The following MAGI2 variants were observed in gnomAD, a reference collection of about 807,000 sequenced individuals.
MAGI2 encodes the protein membrane-associated guanylate kinase, WW and PDZ domain-containing protein 2.
MAGI2 carries 35 observed loss-of-function variants against 133.3 expected under a neutral mutation model. The ratio of observed to expected loss-of-function variants is 0.26; its 90% CI spans 0.20 to 0.35. The LOEUF is 0.35. Among genes scored for constraint, MAGI2 ranks in the 10% least tolerant of loss-of-function variants. The probability of loss-of-function intolerance (pLI) is 1.00; values close to 1 mark genes in which losing one functional copy is unlikely to be tolerated. For synonymous variants in MAGI2, 729 were observed against 710.6 expected (o/e 1.03, Z -0.41); for missense variants, 1,636 against 1,863.4 (o/e 0.88, Z 2.25).
intron 6 of MAGI2, among the ~76,000 whole-genome samples, chr7:78,453,759 G>A (rs1035064209): frequency 3.3e-5 from 5 of 152,102 alleles, no homozygotes; most frequent in South Asian, 2.1e-4. Context: ...TAAAATTATC[G>A]CCATTTTATA....
At chr7:79,312,188 A>T (rs1265356585) in intron 1 of MAGI2, among the ~76,000 whole-genome samples, 1 of 152,212 alleles carries the variant, frequency 6.6e-6, no homozygotes, top group Admixed American at 6.5e-5. Flanking sequence ...AAGTCGAAGC[A>T]TGTCAATCAA....
At chr7:78,462,456 T>C (rs1790163670) in intron 6 of MAGI2, among the ~76,000 whole-genome samples, 1 of 152,140 alleles carries the variant, frequency 6.6e-6, no homozygotes, top group Non-Finnish European at 1.5e-5. Flanking sequence ...AATCTAACAC[T>C]AGAAATAATG....
intron 2 of MAGI2, among the ~76,000 whole-genome samples, chr7:78,682,554 C>A (rs539903320): frequency 6.6e-6 from 1 of 152,182 alleles, no homozygotes; most frequent in East Asian, 1.9e-4. Context: ...TGAACTCATC[C>A]TTTTTTTGTG....
At chr7:79,284,597 T>A (rs1835872021) in intron 1 of MAGI2, among the ~76,000 whole-genome samples, 1 of 152,136 alleles carries the variant, frequency 6.6e-6, no homozygotes, top group Non-Finnish European at 1.5e-5. Context: ...GAAAATATTA[T>A]TCCTTTCCAA....
Position 79,416,725 on chromosome 7 carries a change from C to CTTTTTTTTTTTTTTTTTTTTTTTT in MAGI2, c.301+36294_301+36295insAAAAAAAAAAAAAAAAAAAAAAAA, listed in dbSNP as rs1176426138. 1.1e-3 allele frequency among the ~76,000 whole-genome samples: 116 copies of CTTTTTTTTTTTTTTTTTTTTTTTT among 102,452 alleles called. 22 individuals are homozygous for CTTTTTTTTTTTTTTTTTTTTTTTT. Among genetic ancestry groups the CTTTTTTTTTTTTTTTTTTTTTTTT allele is most frequent in the African/African-American group, 2.8e-3 (67 of 24,046 alleles). The allele number at this position is 102,452 out of a possible 152,430, so 67.2% of individuals were successfully genotyped here. A position where few individuals can be genotyped will look rare whatever the true frequency, so the allele number is the denominator to read the frequency against. On this transcript the variant is annotated intron_variant, in intron 1 of 21. Coordinates refer to ENST00000354212, the MANE Select transcript of MAGI2 (RefSeq NM_012301.4). ...TTCTTTTTTCTTTTCTTTTCTTTTT[C>CTTTTTTTTTTTTTTTTTTTTTTTT]TTTTTCTTTTTTTTTTTTTGAGGTG...
At chr7:78,880,797 A>G (rs116591068) in intron 2 of MAGI2, among the ~76,000 whole-genome samples, 9,575 of 152,244 alleles carry the variant, frequency 0.063, 372 homozygotes, top group Middle Eastern at 0.11. Context: ...ATAAAAAATT[A>G]AGACCCATTT....
At chr7:79,446,886 A>G (rs1326559255) in intron 1 of MAGI2, among the ~76,000 whole-genome samples, 1 of 152,188 alleles carries the variant, frequency 6.6e-6, no homozygotes, top group Non-Finnish European at 1.5e-5. Flanking sequence ...CGGGAGGCGG[A>G]GATTGCAGTG....
intron 6 of MAGI2, among the ~76,000 whole-genome samples, chr7:78,473,872 G>T (rs1263343727): frequency 6.6e-6 from 1 of 151,916 alleles, no homozygotes; most frequent in Middle Eastern, 3.2e-3. Flanking sequence ...AATAAGCTAG[G>T]GAAAAAGGAG....
intron 16 of MAGI2, among the ~76,000 whole-genome samples, chr7:78,154,108 T>C (rs1824152979): frequency 6.6e-6 from 1 of 152,220 alleles, no homozygotes; most frequent in Admixed American, 6.5e-5. Context: ...TCATCCCTTT[T>C]AGGAACCATA....
rs143455010 is a variant in MAGI2 at position 79,305,986 on chromosome 7, T to C, written c.301+147034A>G. Among the ~76,000 whole-genome samples the C allele has an allele frequency of 5.1e-3, 774 of 150,606 alleles. 4 individuals carry two copies. Among genetic ancestry groups the C allele is most frequent in the African/African-American group, 0.018 (731 of 41,012 alleles). On this transcript the variant is annotated intron_variant, in intron 1 of 21. Coordinates refer to ENST00000354212, the MANE Select transcript of MAGI2 (RefSeq NM_012301.4). ...GAAATTGAACTACATATTCCTGTAG[T>C]ATCTTTTTTTTTTTTTTCCTTTTTG... is the stretch of plus-strand genomic sequence containing the variant.
intron 3 of MAGI2, among the ~76,000 whole-genome samples, chr7:78,562,203 G>A (rs1373327955): frequency 6.6e-6 from 1 of 152,134 alleles, no homozygotes; most frequent in Non-Finnish European, 1.5e-5. Context: ...CACTATGAGA[G>A]CATTAAAAGG....
intron 16 of MAGI2, among the ~76,000 whole-genome samples, chr7:78,152,634 A>T (rs1316761562): frequency 6.6e-6 from 1 of 152,260 alleles, no homozygotes; most frequent in Non-Finnish European, 1.5e-5. Flanking sequence ...TGATGAATAC[A>T]GTCTTATCTT....
intron 2 of MAGI2, among the ~76,000 whole-genome samples, chr7:78,980,450 T>C (rs1804679201): frequency 6.6e-6 from 1 of 151,852 alleles, no homozygotes; most frequent in Non-Finnish European, 1.5e-5. Context: ...GTATCACCAG[T>C]ATCAAGGCTT....
At chr7:78,894,282 G>A (rs1165560062) in intron 2 of MAGI2, among the ~76,000 whole-genome samples, 1 of 152,084 alleles carries the variant, frequency 6.6e-6, no homozygotes, top group East Asian at 1.9e-4. Context: ...TGTGCCTGTA[G>A]TCCCAGCTAC....
intron 1 of MAGI2, among the ~76,000 whole-genome samples, chr7:79,315,317 C>A (rs1838622096): frequency 1.4e-5 from 2 of 143,258 alleles, no homozygotes; most frequent in African/African-American, 5.2e-5. Flanking sequence ...TGCAACCATG[C>A]CCAGTTAATT....
chr7:78,549,769 T>G (rs1799178306), intron 3 of MAGI2, among the ~76,000 whole-genome samples: 1 of 152,210 alleles, frequency 6.6e-6, no homozygotes, highest in Non-Finnish European at 1.5e-5. Context: ...AATATGTCAA[T>G]GTATTAATAG....
rs193282857 is a variant in MAGI2 at position 78,221,873 on chromosome 7, C to T, written c.2048-20680G>A. On this transcript the variant is annotated intron_variant, in intron 10 of 21. Transcript: ENST00000354212. ...CTGGTCTTGAACTCTTGGCCTTAAA[C>T]GATCCTTTTGTTTAAAAAATAAGAA... 2.0e-4 allele frequency among the ~76,000 whole-genome samples: 31 copies of T among 151,406 alleles called. No homozygotes were observed. In the East Asian group the frequency reaches 5.0e-3, roughly 24 times the overall value.
At chr7:78,700,666 G>T (rs1460980968) in intron 2 of MAGI2, among the ~76,000 whole-genome samples, 1 of 151,948 alleles carries the variant, frequency 6.6e-6, no homozygotes, top group Non-Finnish European at 1.5e-5. Flanking sequence ...TTTGATCAAA[G>T]ATTGAAGATA....
In MAGI2 at chr7:78,550,756, GT is replaced by G. The variant is rs35785592; in HGVS notation, c.539-29112del. Among the ~76,000 whole-genome samples, 1,159 of 147,052 alleles carry G rather than the reference GT, an allele frequency of 7.9e-3. 8 individuals carry two copies. The highest frequency in any genetic ancestry group is 0.026 in the African/African-American group (1,030 of 39,854). ...GTTAGTGTTGAGCATCCTCTGAACA[GT>G]TTTTTTTTTTTTAACTCATGAACAT... is the stretch of plus-strand genomic sequence containing the variant. On this transcript the variant is annotated intron_variant, in intron 3 of 21. Coordinates refer to ENST00000354212, the MANE Select transcript of MAGI2 (RefSeq NM_012301.4).
Sources: allele counts gnomAD v4.1 joint callset (sites outside exome capture counted in the v4.1 genomes callset), GRCh38; gene constraint gnomAD v4.1.1; transcripts MANE v1.5; gene names NCBI Gene and HGNC (gene_info 2026-07-23, HGNC 2026-07-21).